The following SLAIN2 variants were observed in gnomAD, a reference collection of about 807,000 sequenced individuals.
SLAIN2 encodes SLAIN motif-containing protein 2.
Under a neutral mutation model 56.6 loss-of-function variants are expected in SLAIN2, and 31 were observed. That is an observed-to-expected ratio of 0.55 (90% CI 0.41 to 0.74). The LOEUF (loss-of-function observed/expected upper bound fraction) is 0.74. Among genes scored for constraint, SLAIN2 ranks in the 30% least tolerant of loss-of-function variants. SLAIN2 has a pLI of 0.00. For synonymous variants in SLAIN2, 317 were observed against 284.9 expected, an observed-to-expected ratio of 1.11 and a Z score of -1.13; for missense variants, 777 against 754.2, an observed-to-expected ratio of 1.03 and a Z score of -0.35.
Position 48,382,751 on chromosome 4 carries a change from C to T in SLAIN2, c.1046C>T (p.Ser349Leu), listed in dbSNP as rs779619766. The change falls in exon 5 of 8, where the codon TCA (serine) becomes TTA (leucine). Residue 349 changes from serine (S) to leucine (L), a missense_variant. Physicochemically the swap from Ser to Leu is moderately radical, Grantham distance 145. Transcript: ENST00000264313. ...AGGTTTTCACCATCACCACGCAATT[C>T]ACCTCGACCGTCACCTAAGCAGTCA... ...VNRFSPSPRN[S>L]PRPSPKQSPR... is the part of the protein sequence containing the mutation. 3.1e-6 allele frequency: 5 copies of T among 1,613,732 alleles called. No homozygotes were observed. Among genetic ancestry groups the T allele is most frequent in the Non-Finnish European group, 4.2e-6 (5 of 1,179,856 alleles).
chr4:48,347,782 C>G (rs183895120), intron 1 of SLAIN2, among the ~76,000 whole-genome samples: 70 of 152,300 alleles, frequency 4.6e-4, no homozygotes, highest in African/African-American at 1.6e-3. Context: ...TCCATGGACG[C>G]CAGCCCCTGG....
At chr4:48,404,272 G>C (rs1403522671) in intron 6 of SLAIN2, among the ~76,000 whole-genome samples, 1 of 152,182 alleles carries the variant, frequency 6.6e-6, no homozygotes, top group Non-Finnish European at 1.5e-5. Flanking sequence ...ATTTTAAAAT[G>C]CCTTTTGATA....
intron 1 of SLAIN2, among the ~76,000 whole-genome samples, chr4:48,361,204 C>T (rs1299224563): frequency 6.6e-6 from 1 of 152,046 alleles, no homozygotes; most frequent in Non-Finnish European, 1.5e-5. Context: ...AGCTGATACC[C>T]AATAGAAAAT....
chr4:48,348,112 G>T (rs1243736576), intron 1 of SLAIN2, among the ~76,000 whole-genome samples: 2 of 151,794 alleles, frequency 1.3e-5, no homozygotes, highest in Admixed American at 6.5e-5. Context: ...AGTATTTGAA[G>T]GACTCTAATA....
At position 48,341,769 on chromosome 4, in the gene SLAIN2, G is replaced by T. The variant is rs1426145161; in HGVS notation, c.30G>T (p.Ala10=). 1.3e-5 allele frequency: 20 copies of T among 1,530,616 alleles called. No individual in the cohort carries two copies. The highest frequency in any genetic ancestry group is 1.8e-5 in the Non-Finnish European group (20 of 1,138,770). 94.8% of individuals were successfully genotyped at this position (1,530,616 alleles called of 1,614,324 possible). A position where few individuals can be genotyped will look rare whatever the true frequency, so the allele number is the denominator to read the frequency against. The change falls in exon 1 of 8, where the codon GCG becomes GCT. Residue 10 remains alanine (A), a synonymous_variant. Transcript: ENST00000264313. The part of the protein sequence containing the change: MEDVNSNVN[A]DQEVRKLQEL... ...AGGACGTTAACTCCAACGTGAACGCGGACCAGGAGGTGCGGAAGCTGCAGG... is the reference window on the plus strand; with the variant it reads ...AGGACGTTAACTCCAACGTGAACGCTGACCAGGAGGTGCGGAAGCTGCAGG...
At chr4:48,356,794 A>G (rs536789297) in intron 1 of SLAIN2, among the ~76,000 whole-genome samples, 12 of 152,312 alleles carry the variant, frequency 7.9e-5, no homozygotes, top group South Asian at 4.1e-4. Flanking sequence ...TAAAAAAACC[A>G]TGCCATACTG....
At chr4:48,372,942 G>A (rs1312431228) in intron 2 of SLAIN2, among the ~76,000 whole-genome samples, 2 of 151,872 alleles carry the variant, frequency 1.3e-5, no homozygotes, top group Admixed American at 6.6e-5. Flanking sequence ...GAACTTAAGT[G>A]CTGTATTGCA....
At chr4:48,348,577 CTA>C (rs967769357) in intron 1 of SLAIN2, among the ~76,000 whole-genome samples, 2 of 151,326 alleles carry the variant, frequency 1.3e-5, no homozygotes, top group African/African-American at 2.4e-5. Context: ...GTAATCCCAG[CTA>C]CTTGGGAGGC....
chr4:48,348,784 C>CT (rs937734522), intron 1 of SLAIN2, among the ~76,000 whole-genome samples: 34 of 152,090 alleles, frequency 2.2e-4, no homozygotes, highest in Admixed American at 4.6e-4. Flanking sequence ...AATGTTTTCC[C>CT]TTTAAGTCTG....
rs367998461 is a variant in SLAIN2, at chr4:48,374,585, G to C, written c.539-3311G>C. On this transcript the variant is annotated intron_variant, in intron 2 of 7. Coordinates refer to ENST00000264313, the MANE Select transcript of SLAIN2 (RefSeq NM_020846.2). ...TAAGAGCACTAGAAAAATATCGAAG[G>C]GTTTTCTGCAAGGGTGTAGTGTATG... is the stretch of plus-strand genomic sequence containing the variant. Among the ~76,000 whole-genome samples, 32 of 152,214 alleles carry C rather than the reference G, an allele frequency of 2.1e-4. No individual in the cohort carries two copies. In the South Asian group the frequency reaches 6.6e-3, roughly 32 times the overall value.
At chr4:48,360,300 G>T (rs1369998428) in intron 1 of SLAIN2, among the ~76,000 whole-genome samples, 1 of 151,906 alleles carries the variant, frequency 6.6e-6, no homozygotes, top group African/African-American at 2.4e-5. Flanking sequence ...CACGTTTAAA[G>T]TGTACTGTGG....
intron 1 of SLAIN2, among the ~76,000 whole-genome samples, chr4:48,352,859 A>G (rs1364165368): frequency 2.0e-5 from 3 of 152,194 alleles, no homozygotes; most frequent in Admixed American, 2.0e-4. Flanking sequence ...CATAAGCCCC[A>G]CGTGTTGTGG....
intron 6 of SLAIN2, among the ~76,000 whole-genome samples, chr4:48,397,375 C>T (rs992850046): frequency 1.3e-5 from 2 of 151,996 alleles, no homozygotes; most frequent in Admixed American, 6.6e-5. Context: ...GAAGGAAATA[C>T]AGAAGGAAAG....
Position 48,383,788 on chromosome 4 carries a change from AGT to A in SLAIN2, c.1360+5_1360+6del, listed in dbSNP as rs2109763874. On this transcript the variant is annotated splice_donor_5th_base_variant and intron_variant, in intron 6 of 7. Transcript: ENST00000264313. Reference sequence around the variant, plus strand: ...ATGCAACCTCAGGCTTCAGCCAGTAAGTATCCTTCTTATGCTTTCATGTATCA... The same window carrying A: ...ATGCAACCTCAGGCTTCAGCCAGTAAATCCTTCTTATGCTTTCATGTATCA... 6.2e-7 allele frequency: 1 copy of A among 1,610,760 alleles called. No individual in the cohort carries two copies. Among genetic ancestry groups the A allele is most frequent in the African/African-American group, 1.3e-5 (1 of 75,006 alleles).
intron 6 of SLAIN2, among the ~76,000 whole-genome samples, chr4:48,401,388 A>T (rs9884339): frequency 0.29 from 43,755 of 152,000 alleles, 6,553 homozygotes; most frequent in South Asian, 0.48. Context: ...AAAATCTCTC[A>T]CTATTATTGT....
chr4:48,403,980 T>C (rs1716625186), intron 6 of SLAIN2, among the ~76,000 whole-genome samples: 1 of 152,158 alleles, frequency 6.6e-6, no homozygotes, highest in African/African-American at 2.4e-5. Flanking sequence ...GGTTGCACAA[T>C]CACTCACCAC....
intron 1 of SLAIN2, among the ~76,000 whole-genome samples, chr4:48,355,896 T>C (rs1715143041): frequency 6.6e-6 from 1 of 152,120 alleles, no homozygotes; most frequent in Admixed American, 6.6e-5. Context: ...TTAGAATCTA[T>C]AGGAATACTA....
At chr4:48,362,166 A>G (rs1425191168) in intron 1 of SLAIN2, among the ~76,000 whole-genome samples, 2 of 149,620 alleles carry the variant, frequency 1.3e-5, no homozygotes, top group Non-Finnish European at 3.0e-5. Flanking sequence ...GCCTTATTGT[A>G]CTGTATATTA....
In SLAIN2 at chr4:48,382,714, C is replaced by T; in HGVS notation, c.1009C>T (p.Pro337Ser). The change falls in exon 5 of 8, where the codon CCT (proline) becomes TCT (serine). Residue 337 changes from proline (P) to serine (S), a missense_variant. Coordinates refer to ENST00000264313, the MANE Select transcript of SLAIN2 (RefSeq NM_020846.2). ...EDDNMHHAVY[P>S]AVNRFSPSPR... ...TGACAATATGCATCATGCAGTATAC[C>T]CTGCTGTTAACAGGTTTTCACCATC... The T allele has an allele frequency of 6.2e-7, 1 of 1,613,626 alleles. No individual in the cohort carries two copies. Among genetic ancestry groups the T allele is most frequent in the Non-Finnish European group, 8.5e-7 (1 of 1,179,822 alleles).
Sources: allele counts gnomAD v4.1 joint callset (sites outside exome capture counted in the v4.1 genomes callset), GRCh38; gene constraint gnomAD v4.1.1; transcripts MANE v1.5; gene names NCBI Gene and HGNC (gene_info 2026-07-23, HGNC 2026-07-21).